The following USPL1 variants were observed in gnomAD, a reference collection of about 807,000 sequenced individuals.
USPL1 encodes the protein SUMO-specific isopeptidase USPL1.
In USPL1, 27 loss-of-function variants were observed where a neutral mutation model predicts 51.5. The ratio of observed to expected loss-of-function variants is 0.52; its 90% CI spans 0.39 to 0.72. The LOEUF (loss-of-function observed/expected upper bound fraction) is 0.72. Among genes scored for constraint, USPL1 ranks in the 30% least tolerant of loss-of-function variants. The probability of loss-of-function intolerance (pLI) is 0.00; values close to 1 mark genes in which losing one functional copy is unlikely to be tolerated. For synonymous variants in USPL1, 451 were observed against 459.6 expected (o/e 0.98, Z 0.24); for missense variants, 1,226 against 1,268.0 (o/e 0.97, Z 0.50).
rs192139803 is a variant in USPL1, at chr13:30,618,532, G to C, written c.-69+476G>C. Among the ~76,000 whole-genome samples, 1,002 of 152,120 alleles carry C rather than the reference G, an allele frequency of 6.6e-3. 3 individuals carry two copies. The highest frequency in any genetic ancestry group is 8.1e-3 in the Non-Finnish European group (550 of 67,974). On this transcript the variant is annotated intron_variant, in intron 1 of 8. Transcript: ENST00000255304. ...GCGAGCTCAAATGGGTGGGTTTAAGGCCCCCTCTTCGAACAGCTGTTTCCC... is the reference window on the plus strand; with the variant it reads ...GCGAGCTCAAATGGGTGGGTTTAAGCCCCCCTCTTCGAACAGCTGTTTCCC...
At position 30,631,487 on chromosome 13, in the gene USPL1, A is replaced by G. The variant is rs747429303; in HGVS notation, c.868+13A>G. ...AGTGGTGTTAAAGGTTGGTACTAATATTTTATTTTTATTTACTTATTTATT... is the reference window on the plus strand; with the variant it reads ...AGTGGTGTTAAAGGTTGGTACTAATGTTTTATTTTTATTTACTTATTTATT... On this transcript the variant is annotated intron_variant, in intron 4 of 8. Transcript: ENST00000255304. 75 of 1,587,044 alleles carry G rather than the reference A, an allele frequency of 4.7e-5. 1 individual carries two copies. In the South Asian group the frequency reaches 8.1e-4, roughly 17 times the overall value.
intron 3 of USPL1, among the ~76,000 whole-genome samples, chr13:30,625,851 T>G (rs1239771851): frequency 6.6e-6 from 1 of 152,142 alleles, no homozygotes; most frequent in Non-Finnish European, 1.5e-5. Context: ...CATGAGTAAT[T>G]TATTATTATT....
rs1443325192 is a variant in USPL1, at chr13:30,642,721, T to G, written c.1076T>G (p.Phe359Cys). The stretch of plus-strand genomic sequence containing the variant: ...TTCCTATATTCTTTTTCTTGGGACT[T>G]TGAATGTTCGCAGTGTGGACACCAA... ...KLFLYSFSWD[F>C]ECSQCGHQYQ... Residue 359 changes from phenylalanine to cysteine, a missense_variant, in exon 6 of 9, where the codon TTT becomes TGT. Phe to Cys is a radical substitution (Grantham distance 205, BLOSUM62 -2). Coordinates refer to ENST00000255304, the MANE Select transcript of USPL1 (RefSeq NM_005800.5). 1 of 1,613,836 alleles carries G rather than the reference T, an allele frequency of 6.2e-7. No individual in the cohort carries two copies. Among genetic ancestry groups the G allele is most frequent in the Admixed American group, 1.7e-5 (1 of 59,996 alleles).
Position 30,657,676 on chromosome 13 carries a change from G to C in USPL1, c.1599G>C (p.Ser533=), listed in dbSNP as rs150242867. 2.4e-5 allele frequency: 38 copies of C among 1,614,010 alleles called. No homozygotes were observed. Among genetic ancestry groups the C allele is most frequent in the African/African-American group, 4.0e-5 (3 of 74,912 alleles). ...LSNEKPVSLT[S]CSVGDAASAE... Reference sequence around the variant, plus strand: ...ATGAGAAACCAGTATCTTTAACATCGTGTTCTGTGGGTGATGCTGCCTCAG... The same window carrying C: ...ATGAGAAACCAGTATCTTTAACATCCTGTTCTGTGGGTGATGCTGCCTCAG... Residue 533 remains serine, a synonymous_variant, in exon 9 of 9, where the codon TCG becomes TCC. Coordinates refer to ENST00000255304, the MANE Select transcript of USPL1 (RefSeq NM_005800.5).
At chr13:30,626,026 A>G (rs1398877626) in intron 3 of USPL1, among the ~76,000 whole-genome samples, 1 of 152,200 alleles carries the variant, frequency 6.6e-6, no homozygotes, top group Non-Finnish European at 1.5e-5. Context: ...GAAAAAATCA[A>G]AAGAAGGGCC....
At chr13:30,655,212 C>T (rs1292817697) in intron 8 of USPL1, among the ~76,000 whole-genome samples, 1 of 152,214 alleles carries the variant, frequency 6.6e-6, no homozygotes, top group Non-Finnish European at 1.5e-5. Context: ...GCTGGGATTA[C>T]AGGCATGAGC....
chr13:30,620,863 G>T (rs1950637719), intron 1 of USPL1, among the ~76,000 whole-genome samples: 2 of 152,124 alleles, frequency 1.3e-5, no homozygotes, highest in African/African-American at 4.8e-5. Flanking sequence ...AACCGGTCCT[G>T]TTGCCAGTCA....
At chr13:30,650,353 G>C (rs1441644535) in intron 7 of USPL1, among the ~76,000 whole-genome samples, 1 of 151,644 alleles carries the variant, frequency 6.6e-6, no homozygotes, top group Non-Finnish European at 1.5e-5. Flanking sequence ...GAAGCGGACA[G>C]ATCACCTGAG....
At position 30,630,958 on chromosome 13, in the gene USPL1, C is replaced by A; in HGVS notation, c.352C>A (p.Leu118Ile). Residue 118 changes from leucine to isoleucine, a missense_variant, in exon 4 of 9, where the codon CTT becomes ATT. Transcript: ENST00000255304. ...SLESSYKDSL[L>I]LANSKKTRNY... ...AGAAAGCAGCTATAAGGATTCACTT[C>A]TTTTAGCAAATTCCAAAAAGACTAG... is the stretch of plus-strand genomic sequence containing the variant. 1 of 1,614,062 alleles carries A rather than the reference C, an allele frequency of 6.2e-7. No homozygotes were observed. The highest frequency in any genetic ancestry group is 8.5e-7 in the Non-Finnish European group (1 of 1,180,026).
At chr13:30,647,190 C>G in intron 7 of USPL1, 133 bp downstream of exon 7, 1 of 1,054,010 alleles carries the variant, frequency 9.5e-7, no homozygotes, top group Admixed American at 2.3e-5. Context: ...TTCTGGGTTG[C>G]CAGCTGCCTC....
At position 30,653,496 on chromosome 13, in the gene USPL1, T is replaced by G. The variant is rs1951119032; in HGVS notation, c.1396+191T>G. Among the ~76,000 whole-genome samples, 3 of 152,200 alleles carry G rather than the reference T, an allele frequency of 2.0e-5. 1 individual carries two copies. The South Asian group carries it at 6.2e-4, about 32-fold the overall frequency. On this transcript the variant is annotated intron_variant, in intron 8 of 8. Coordinates refer to ENST00000255304, the MANE Select transcript of USPL1 (RefSeq NM_005800.5). ...TGATGGTTTTAGTATCCTGTCTCAT[T>G]TTTTCCTTTCCTTACATCATGTATT...
intron 3 of USPL1, among the ~76,000 whole-genome samples, chr13:30,624,876 T>C (rs565790797): frequency 6.6e-6 from 1 of 152,332 alleles, no homozygotes; most frequent in Admixed American, 6.5e-5. Context: ...TTGATCCTTG[T>C]AGCCAAGGGT....
chr13:30,647,652 C>T (rs1951035479), intron 7 of USPL1, among the ~76,000 whole-genome samples: 1 of 152,140 alleles, frequency 6.6e-6, no homozygotes, highest in Admixed American at 6.5e-5. Flanking sequence ...CAGGCCGTTT[C>T]CCTCTGTCTC....
intron 5 of USPL1, among the ~76,000 whole-genome samples, chr13:30,640,557 G>A (rs934072608): frequency 6.6e-6 from 1 of 152,114 alleles, no homozygotes; most frequent in African/African-American, 2.4e-5. Flanking sequence ...CGGACGTGGT[G>A]TAGGTGCCTG....
intron 8 of USPL1, 33 bp downstream of exon 8, chr13:30,653,338 T>G (rs756774467): frequency 6.6e-7 from 1 of 1,522,650 alleles, no homozygotes; most frequent in South Asian, 1.3e-5. Flanking sequence ...TTAAGATAAT[T>G]GGCATAGAAA....
At chr13:30,628,601 A>G (rs141615353) in intron 3 of USPL1, among the ~76,000 whole-genome samples, 2 of 151,912 alleles carry the variant, frequency 1.3e-5, no homozygotes, top group African/African-American at 4.8e-5. Flanking sequence ...GTGTGTTCTC[A>G]TTGTTCAGCT....
At chr13:30,641,728 TAAG>T (rs1950949987) in intron 5 of USPL1, among the ~76,000 whole-genome samples, 1 of 152,220 alleles carries the variant, frequency 6.6e-6, no homozygotes. Context: ...ACTGAAAAGT[TAAG>T]AAGAACGGTA....
chr13:30,659,214 C>T lies in USPL1; in HGVS notation c.3137C>T (p.Ala1046Val). ...CAGCCAGACTCTCTGACAAATAATG[C>T]CTGCGTTAGAACATTAAACTTGGAG... Reference protein sequence around the residue: ...EVQPDSLTNNACVRTLNLESP... With the variant: ...EVQPDSLTNNVCVRTLNLESP... Residue 1046 changes from alanine to valine, a missense_variant, in exon 9 of 9, where the codon GCC becomes GTC. Ala to Val is a moderately conservative substitution (Grantham distance 64, BLOSUM62 0). Coordinates refer to ENST00000255304, the MANE Select transcript of USPL1 (RefSeq NM_005800.5). The T allele has an allele frequency of 1.2e-6, 2 of 1,614,012 alleles. No individual in the cohort carries two copies. The highest frequency in any genetic ancestry group is 1.7e-6 in the Non-Finnish European group (2 of 1,179,990).
At chr13:30,630,200 A>G (rs566776053) in intron 3 of USPL1, among the ~76,000 whole-genome samples, 2 of 152,266 alleles carry the variant, frequency 1.3e-5, no homozygotes, top group African/African-American at 2.4e-5. Context: ...TGAATTTGTT[A>G]TTTAAAATAT....
Sources: allele counts gnomAD v4.1 joint callset (sites outside exome capture counted in the v4.1 genomes callset), GRCh38; gene constraint gnomAD v4.1.1; transcripts MANE v1.5; gene names NCBI Gene and HGNC (gene_info 2026-07-23, HGNC 2026-07-21).